Variants in DPYSL2 observed in about 807,000 individuals in gnomAD.
The protein encoded by DPYSL2 is dihydropyrimidinase like 2.
DPYSL2 carries 13 observed loss-of-function variants against 69.9 expected under a neutral mutation model. That is an observed-to-expected ratio of 0.19 (90% CI 0.12 to 0.30). DPYSL2 has a LOEUF of 0.30. DPYSL2 is among the 10% of genes least tolerant of loss of function. The probability of loss-of-function intolerance (pLI) is 1.00; values close to 1 mark genes in which losing one functional copy is unlikely to be tolerated. For missense variants in DPYSL2, 587 were observed against 918.9 expected (o/e 0.64, Z 4.67); for synonymous variants, 326 against 359.1 (o/e 0.91, Z 1.04).
chr8:26,570,149 A>G (rs938845984), intron 1 of DPYSL2, among the ~76,000 whole-genome samples: 2 of 152,206 alleles, frequency 1.3e-5, no homozygotes, highest in Admixed American at 1.3e-4. Context: ...TCTACTAACC[A>G]GGGTCTTCTC....
rs566169754 is a variant in DPYSL2 at position 26,533,422 on chromosome 8, T to C, written c.354+18743T>C. Among the ~76,000 whole-genome samples, 5 of 152,340 alleles carry C rather than the reference T, an allele frequency of 3.3e-5. No homozygotes were observed. The highest frequency in any genetic ancestry group is 9.6e-5 in the African/African-American group (4 of 41,578). ...TGTTGCTTGTACTTTTGGTATCCTA[T>C]TTAAGAGCGTATTTCCTATTCCAAG... On this transcript the variant is annotated intron_variant, in intron 1 of 13. Transcript: ENST00000521913. The surrounding 1 kb of genome is among the most constrained non-coding windows in gnomAD (Gnocchi z 4.8).
rs2129990361 is a variant in DPYSL2, at chr8:26,650,069, G to A, written c.1597-2188G>A. ...AAGTGTTAGCAAAGTGCAATAAAGA[G>A]CCAGACAGTGAATGAGTGAAGATTT... On this transcript the variant is annotated intron_variant, in intron 11 of 13. Coordinates refer to ENST00000521913, the MANE Select transcript of DPYSL2 (RefSeq NM_001197293.3). This position sits in a 1 kb window ranked among gnomAD's most constrained non-coding sequence, Gnocchi z 5.3. Among the ~76,000 whole-genome samples the A allele has an allele frequency of 6.6e-6, 1 of 152,340 alleles. No individual in the cohort carries two copies. Among genetic ancestry groups the A allele is most frequent in the South Asian group, 2.1e-4 (1 of 4,822 alleles).
intron 1 of DPYSL2, among the ~76,000 whole-genome samples, chr8:26,523,396 G>A (rs1436758311): frequency 1.3e-5 from 2 of 152,006 alleles, no homozygotes; most frequent in African/African-American, 4.8e-5. Context: ...TATTCACATT[G>A]TTGTGCAACC....
intron 1 of DPYSL2, among the ~76,000 whole-genome samples, chr8:26,540,490 T>C (rs941740516): frequency 1.7e-4 from 26 of 152,304 alleles, no homozygotes; most frequent in African/African-American, 4.8e-4. Context: ...TGGAGGGAAA[T>C]GGACATCCAG....
intron 3 of DPYSL2, among the ~76,000 whole-genome samples, chr8:26,616,567 T>C (rs1802352697): frequency 6.6e-6 from 1 of 152,216 alleles, no homozygotes; most frequent in African/African-American, 2.4e-5. Context: ...GCCGTGACTA[T>C]TTGGAATAAG....
chr8:26,607,674 C>T (rs1451452365), intron 3 of DPYSL2, among the ~76,000 whole-genome samples: 2 of 151,870 alleles, frequency 1.3e-5, no homozygotes, highest in African/African-American at 4.8e-5. Context: ...CCTGTAGTCC[C>T]AGCTACTTAG....
chr8:26,573,294 G>A (rs1232967832), intron 1 of DPYSL2, among the ~76,000 whole-genome samples: 1 of 152,172 alleles, frequency 6.6e-6, no homozygotes, highest in African/African-American at 2.4e-5. Context: ...GGAGGCCGAG[G>A]CAGGCAGATC....
At chr8:26,547,205 A>G (rs562798463) in intron 1 of DPYSL2, among the ~76,000 whole-genome samples, 2 of 151,554 alleles carry the variant, frequency 1.3e-5, no homozygotes, top group Non-Finnish European at 2.9e-5. Flanking sequence ...TCTACTAAAA[A>G]TGCAAAAATT....
At chr8:26,529,479 G>A (rs1800460334) in intron 1 of DPYSL2, among the ~76,000 whole-genome samples, 1 of 151,890 alleles carries the variant, frequency 6.6e-6, no homozygotes, top group African/African-American at 2.4e-5. Context: ...ACCACACCTG[G>A]CTCATTTTTT....
chr8:26,593,860 A>G lies in DPYSL2; in HGVS notation c.628+9877A>G, dbSNP rs1801798569. 6.6e-6 allele frequency among the ~76,000 whole-genome samples: 1 copy of G among 152,160 alleles called. No individual in the cohort carries two copies. The highest frequency in any genetic ancestry group is 1.5e-5 in the Non-Finnish European group (1 of 68,028). On this transcript the variant is annotated intron_variant, in intron 3 of 13. Coordinates refer to ENST00000521913, the MANE Select transcript of DPYSL2 (RefSeq NM_001197293.3). The surrounding 1 kb of genome is among the most constrained non-coding windows in gnomAD (Gnocchi z 5.7). ...GTTGAATCTGTAGTGTTTATGACCT[A>G]ATCACTCTCTAATGATAGGTCAGGA...
At position 26,565,074 on chromosome 8, in the gene DPYSL2, C is replaced by A. The variant is rs1160371002; in HGVS notation, c.355-16895C>A. Among the ~76,000 whole-genome samples the A allele has an allele frequency of 6.6e-6, 1 of 152,146 alleles. No individual in the cohort carries two copies. Among genetic ancestry groups the A allele is most frequent in the African/African-American group, 2.4e-5 (1 of 41,418 alleles). Reference sequence around the variant, plus strand: ...TCACTTAGAATAATGGCTTCCAGCTCCACCCGAATTACTGCAAAAGATATT... The same window carrying A: ...TCACTTAGAATAATGGCTTCCAGCTACACCCGAATTACTGCAAAAGATATT... On this transcript the variant is annotated intron_variant, in intron 1 of 13. Transcript: ENST00000521913. The surrounding 1 kb of genome is among the most constrained non-coding windows in gnomAD (Gnocchi z 4.1).
At chr8:26,655,123 G>A (rs902471742) in intron 13 of DPYSL2, among the ~76,000 whole-genome samples, 1 of 151,870 alleles carries the variant, frequency 6.6e-6, no homozygotes, top group Non-Finnish European at 1.5e-5. Flanking sequence ...GCTGTTAGTA[G>A]GATTCCAGGC....
chr8:26,552,618 G>T (rs7841881), intron 1 of DPYSL2, among the ~76,000 whole-genome samples: 1 of 152,150 alleles, frequency 6.6e-6, no homozygotes, highest in East Asian at 1.9e-4. Context: ...CCTTCTGGCC[G>T]GTGGGTCTTC....
At chr8:26,538,282 T>G (rs1316064472) in intron 1 of DPYSL2, among the ~76,000 whole-genome samples, 1 of 152,162 alleles carries the variant, frequency 6.6e-6, no homozygotes, top group Non-Finnish European at 1.5e-5. Flanking sequence ...AACAAACAGC[T>G]ACTTGCCAAT....
At chr8:26,519,516 T>G (rs1399291030) in intron 1 of DPYSL2, among the ~76,000 whole-genome samples, 1 of 152,232 alleles carries the variant, frequency 6.6e-6, no homozygotes, top group African/African-American at 2.4e-5. Flanking sequence ...CATTTTAGAA[T>G]GTTTAGAGTA....
chr8:26,523,532 C>T (rs1172448259), intron 1 of DPYSL2, among the ~76,000 whole-genome samples: 2 of 152,202 alleles, frequency 1.3e-5, no homozygotes, highest in Non-Finnish European at 2.9e-5. Flanking sequence ...GTGAATTTGA[C>T]TACTTTAGGA....
intron 1 of DPYSL2, among the ~76,000 whole-genome samples, chr8:26,575,376 T>G (rs1463944699): frequency 6.6e-6 from 1 of 152,122 alleles, no homozygotes; most frequent in Non-Finnish European, 1.5e-5. Flanking sequence ...CCTTCATCAG[T>G]GCAAAGCAGG....
intron 1 of DPYSL2, among the ~76,000 whole-genome samples, chr8:26,530,064 A>T (rs1379915613): frequency 1.6e-4 from 22 of 138,320 alleles, no homozygotes; most frequent in African/African-American, 5.7e-4. Flanking sequence ...GTGAGCCGAG[A>T]TCGTGCCATT....
At chr8:26,578,518 A>G (rs74917054) in intron 1 of DPYSL2, 23,567 of 1,422,332 alleles carry the variant, frequency 0.017, 253 homozygotes, top group Middle Eastern at 0.061. Flanking sequence ...GCGCGAGTGC[A>G]CGAAGGTAGC....
Sources: gnomAD v4.1 joint callset for allele counts (sites outside exome capture counted in the v4.1 genomes callset) on GRCh38, gnomAD v4.1.1 for gene constraint, Gnocchi (gnomAD v3.1) non-coding constraint, MANE v1.5 for transcripts, NCBI Gene and HGNC (gene_info 2026-07-23, HGNC 2026-07-21) for gene names.